The following CPLANE1 variants were observed in gnomAD, a reference collection of about 807,000 sequenced individuals.
CPLANE1 encodes ciliogenesis and planar polarity effector complex subunit 1.
In CPLANE1, 263 loss-of-function variants were observed where a neutral mutation model predicts 362.5. The ratio of observed to expected loss-of-function variants is 0.73; its 90% CI spans 0.66 to 0.80. The LOEUF (loss-of-function observed/expected upper bound fraction) is 0.80, where lower values mean the gene tolerates loss of function less well. Among genes scored for constraint, CPLANE1 ranks in the 30% least tolerant of loss-of-function variants. CPLANE1 has a pLI of 0.00. For missense variants in CPLANE1, 3,461 were observed against 3,793.4 expected (o/e 0.91, Z 2.30); for synonymous variants, 1,212 against 1,302.6 (o/e 0.93, Z 1.50).
chr5:37,160,671 C>CA (rs1554070935), intron 38 of CPLANE1, among the ~76,000 whole-genome samples: 1 of 138,570 alleles, frequency 7.2e-6, no homozygotes, highest in Non-Finnish European at 1.6e-5. Context: ...AAAATAATGA[C>CA]TTTTTTTTTT....
Position 37,169,357 on chromosome 5 carries a change from C to T in CPLANE1, c.6667G>A (p.Asp2223Asn). The change falls in exon 34 of 53, where the codon GAT becomes AAT. Residue 2223 changes from aspartate (D) to asparagine (N), a missense_variant. Asp to Asn is a conservative substitution (Grantham distance 23, BLOSUM62 1). This residue lies in a region of CPLANE1 where 3,380 missense variants were observed against 3,666.1 expected (regional missense o/e 0.92). Transcript: ENST00000651892. ...IPHAKTFSPG[D>N]GFPLLQFKSK... ...TTAAATTGAAGCAAAGGAAAGCCAT[C>T]ACCAGGACTAAATGTTTTTGCATGT... The T allele has an allele frequency of 1.9e-6, 3 of 1,614,186 alleles. No individual in the cohort carries two copies. The highest frequency in any genetic ancestry group is 1.1e-5 in the South Asian group (1 of 91,082).
chr5:37,180,576 G>A (rs988221112), intron 27 of CPLANE1, among the ~76,000 whole-genome samples: 28 of 152,208 alleles, frequency 1.8e-4, no homozygotes, highest in African/African-American at 6.7e-4. Context: ...ATATAAAAAT[G>A]GATGAAAGGA....
chr5:37,177,596 A>C (rs1176308852), intron 30 of CPLANE1, 25 bp downstream of exon 30: 5 of 1,549,158 alleles, frequency 3.2e-6, no homozygotes, highest in Non-Finnish European at 4.5e-6. Context: ...AGTGACAATC[A>C]CTGTCATACT....
intron 15 of CPLANE1, among the ~76,000 whole-genome samples, chr5:37,215,918 G>A (rs1340320008): frequency 6.6e-6 from 1 of 151,648 alleles, no homozygotes; most frequent in Non-Finnish European, 1.5e-5. Context: ...TGCAACCTCT[G>A]CCTCCAAGGT....
At chr5:37,139,227 C>A (rs1768864089) in intron 45 of CPLANE1, 113 bp downstream of exon 45, 1 of 1,071,640 alleles carries the variant, frequency 9.3e-7, no homozygotes, top group Non-Finnish European at 1.3e-6. Context: ...ACTTATATTC[C>A]TTTAAACCAC....
the CPLANE1 span, among the ~76,000 whole-genome samples, chr5:37,077,764 C>T: frequency 2.6e-5 from 4 of 151,828 alleles, 1 homozygote; most frequent in Middle Eastern, 6.8e-3. Context: ...CAGGCACACA[C>T]CAACACACCT....
chr5:37,154,996 G>C (rs1220934961), intron 41 of CPLANE1, among the ~76,000 whole-genome samples: 1 of 152,168 alleles, frequency 6.6e-6, no homozygotes, highest in Non-Finnish European at 1.5e-5. Flanking sequence ...CTTTCCTTCA[G>C]ATCCAAAGTG....
In CPLANE1 at chr5:37,239,800, T is replaced by C. The variant is rs1379367005; in HGVS notation, c.747A>G (p.Glu249=). Residue 249 remains glutamate (E), a synonymous_variant, in exon 7 of 53, where the codon GAA becomes GAG. Transcript: ENST00000651892. ...TTAGAGCTCCTCTTGACTTTACTGATTCACATTTAGGAATTAAACTACAGA... is the reference window on the plus strand; with the variant it reads ...TTAGAGCTCCTCTTGACTTTACTGACTCACATTTAGGAATTAAACTACAGA... ...CHLCSLIPKC[E]SVKSRGALIS... 6.5e-7 allele frequency: 1 copy of C among 1,547,128 alleles called. No homozygotes were observed. The highest frequency in any genetic ancestry group is 8.7e-7 in the Non-Finnish European group (1 of 1,144,360).
At chr5:37,103,041 C>T (rs371745658), downstream of CPLANE1, among the ~76,000 whole-genome samples, 106 of 152,272 alleles carry the variant, frequency 7.0e-4, 2 homozygotes, top group South Asian at 0.021. Flanking sequence ...TTGAAGGTCT[C>T]TAAGAACTTG....
At chr5:37,196,733 C>T (rs902394771) in intron 20 of CPLANE1, among the ~76,000 whole-genome samples, 3 of 152,106 alleles carry the variant, frequency 2.0e-5, no homozygotes, top group Admixed American at 1.3e-4. Context: ...GAGCCCAGCC[C>T]GGCCAACATG....
intron 16 of CPLANE1, among the ~76,000 whole-genome samples, chr5:37,208,992 G>A (rs1458082881): frequency 6.6e-6 from 1 of 151,706 alleles, no homozygotes; most frequent in Non-Finnish European, 1.5e-5. Flanking sequence ...TAGCTCTCCA[G>A]AACGGGAAGG....
In CPLANE1 at chr5:37,226,777, A is replaced by G; in HGVS notation, c.1818T>C (p.Phe606=). The G allele has an allele frequency of 1.3e-6, 2 of 1,541,580 alleles. No individual in the cohort carries two copies. The highest frequency in any genetic ancestry group is 1.7e-6 in the Non-Finnish European group (2 of 1,143,406). Residue 606 remains phenylalanine, a synonymous_variant, in exon 12 of 53, where the codon TTT becomes TTC. Transcript: ENST00000651892. ...NYIVVCITHF[F]YILQFIKCPF... ...GACATTTTATAAATTGAAGAATGTA[A>G]AAAAAATGAGTGATACAAACTACTA...
At chr5:37,204,810 T>C (rs967739584) in intron 18 of CPLANE1, among the ~76,000 whole-genome samples, 5 of 152,074 alleles carry the variant, frequency 3.3e-5, no homozygotes, top group African/African-American at 1.2e-4. Context: ...AACCCTTGTA[T>C]TGTAAGCTGG....
rs866756786 is a variant in CPLANE1, at chr5:37,185,025, C to T, written c.4244G>A (p.Arg1415Lys). Residue 1415 changes from arginine to lysine, a missense_variant, in exon 25 of 53, where the codon AGG (arginine) becomes AAG (lysine). Arg to Lys is a conservative substitution (Grantham distance 26). Around this residue, in one of 2 missense-constraint regions of CPLANE1, gnomAD observed 3,380 missense variants for 3,666.1 expected, o/e 0.92. Transcript: ENST00000651892. ...SVVMHSIQKV[R>K]VKALKRVQRN... Reference sequence around the variant, plus strand: ...CTGCACACGTTTTAGAGCTTTCACCCTCACTTTCTGGATAGAATGCATGAC... The same window carrying T: ...CTGCACACGTTTTAGAGCTTTCACCTTCACTTTCTGGATAGAATGCATGAC... 3 of 1,614,022 alleles carry T rather than the reference C, an allele frequency of 1.9e-6. No individual in the cohort carries two copies. In the African/African-American group the frequency reaches 4.0e-5, roughly 22 times the overall value.
intron 8 of CPLANE1, among the ~76,000 whole-genome samples, chr5:37,231,341 A>T (rs1011518229): frequency 6.6e-6 from 1 of 152,210 alleles, no homozygotes; most frequent in Non-Finnish European, 1.5e-5. Context: ...GCACTTTGGG[A>T]GGCCGAGGCA....
In CPLANE1 at chr5:37,183,710, A is replaced by T. The variant is rs1454044648; in HGVS notation, c.4482-11T>A. ...TGATTTGGGGCATTTCTATAGCAAA[A>T]AAATAAAATAAGACAAAATTAGAGA... On this transcript the variant is annotated splice_polypyrimidine_tract_variant and intron_variant, in intron 25 of 52. Coordinates refer to ENST00000651892, the MANE Select transcript of CPLANE1 (RefSeq NM_001384732.1). 6.6e-7 allele frequency: 1 copy of T among 1,519,272 alleles called. No homozygotes were observed. Among genetic ancestry groups the T allele is most frequent in the Non-Finnish European group, 8.8e-7 (1 of 1,131,524 alleles). The allele number at this position is 1,519,272 out of a possible 1,614,324, so 94.1% of individuals were successfully genotyped here.
intron 43 of CPLANE1, among the ~76,000 whole-genome samples, chr5:37,144,397 T>TAAAAAAA (rs1176016655): frequency 1.5e-5 from 1 of 67,544 alleles, no homozygotes; most frequent in African/African-American, 5.9e-5. Context: ...AGACTTTGTC[T>TAAAAAAA]AAAAAAAAAA....
Position 37,138,861 on chromosome 5 carries a change from A to G in CPLANE1, c.8664-13T>C. The G allele has an allele frequency of 6.3e-7, 1 of 1,593,252 alleles. No homozygotes were observed. The highest frequency in any genetic ancestry group is 1.4e-5 in the African/African-American group (1 of 73,908). On this transcript the variant is annotated splice_polypyrimidine_tract_variant and intron_variant, in intron 45 of 52. Transcript: ENST00000651892. ...ATGTACTGAAACACTTCATTTGCAA[A>G]TGTAATTTAAGAAATATAAATCAGT...
intron 15 of CPLANE1, among the ~76,000 whole-genome samples, chr5:37,220,736 C>T (rs1176530564): frequency 1.3e-5 from 2 of 152,118 alleles, no homozygotes; most frequent in Admixed American, 6.6e-5. Flanking sequence ...TAGCCAGGAT[C>T]GTCTCATCTC....
Sources: gnomAD v4.1 joint callset for allele counts (sites outside exome capture counted in the v4.1 genomes callset) on GRCh38, gnomAD v4.1.1 for gene constraint, gnomAD v4.1.1 regional missense constraint, MANE v1.5 for transcripts, NCBI Gene and HGNC (gene_info 2026-07-23, HGNC 2026-07-21) for gene names.